GFRAL: variants seen among roughly 807,000 people sequenced by gnomAD.
GFRAL encodes the protein GDNF family receptor alpha-like.
In GFRAL, 36 loss-of-function variants were observed where a neutral mutation model predicts 45.4. The observed-to-expected ratio is 0.79, with a 90% CI of 0.61 to 1.05. The LOEUF is 1.05. GFRAL is among the 50% of genes least tolerant of loss of function. The pLI is 0.00. For synonymous variants in GFRAL, 166 were observed against 154.1 expected, an observed-to-expected ratio of 1.08 and a Z score of -0.57; for missense variants, 507 against 467.5, an observed-to-expected ratio of 1.08 and a Z score of -0.78.
At chr6:55,347,608 A>G (rs531589241) in intron 3 of GFRAL, among the ~76,000 whole-genome samples, 2 of 152,274 alleles carry the variant, frequency 1.3e-5, no homozygotes, top group African/African-American at 4.8e-5. Context: ...TTTTATAAGG[A>G]TGAATAATTA....
intron 6 of GFRAL, among the ~76,000 whole-genome samples, chr6:55,370,580 T>C: frequency 6.6e-6 from 1 of 152,218 alleles, no homozygotes; most frequent in South Asian, 2.1e-4. Flanking sequence ...ACATTTTTCT[T>C]GATACACACA....
chr6:55,362,885 C>G (rs9475264), intron 6 of GFRAL, among the ~76,000 whole-genome samples: 79,394 of 149,564 alleles, frequency 0.53, 21,021 homozygotes, highest in South Asian at 0.63. Context: ...AAGGAAGGGG[C>G]AGGAAGGGAG....
intron 6 of GFRAL, among the ~76,000 whole-genome samples, chr6:55,387,067 C>G (rs1197241512): frequency 6.6e-6 from 1 of 152,060 alleles, no homozygotes; most frequent in Admixed American, 6.6e-5. Flanking sequence ...TTGTATGAAT[C>G]ATCATTTGAC....
intron 7 of GFRAL, 25 bp downstream of exon 7, chr6:55,399,300 A>G: frequency 6.6e-7 from 1 of 1,514,652 alleles, no homozygotes; most frequent in Non-Finnish European, 9.1e-7. Flanking sequence ...AATCCTCTAT[A>G]ATATTTATAT....
intron 6 of GFRAL, among the ~76,000 whole-genome samples, chr6:55,372,198 G>C (rs1225747388): frequency 6.6e-6 from 1 of 152,126 alleles, no homozygotes; most frequent in African/African-American, 2.4e-5. Flanking sequence ...CTACTTTGTA[G>C]GCTTATCCAA....
chr6:55,400,344 G>A (rs80251251), intron 8 of GFRAL, among the ~76,000 whole-genome samples: 1 of 152,164 alleles, frequency 6.6e-6, no homozygotes, highest in East Asian at 1.9e-4. Context: ...AGGAACAGAA[G>A]TATTCACTGG....
intron 6 of GFRAL, among the ~76,000 whole-genome samples, chr6:55,371,822 ATC>A (rs1768454433): frequency 6.6e-6 from 1 of 152,136 alleles, no homozygotes. Context: ...ACATTCAAGA[ATC>A]TCTATTTGTA....
chr6:55,337,129 A>G (rs1382099649), intron 3 of GFRAL, among the ~76,000 whole-genome samples: 1 of 152,018 alleles, frequency 6.6e-6, no homozygotes, highest in Admixed American at 6.6e-5. Context: ...GTATATTTGT[A>G]TCCGTTAACC....
At chr6:55,342,908 C>T (rs1220169472) in intron 3 of GFRAL, among the ~76,000 whole-genome samples, 1 of 152,000 alleles carries the variant, frequency 6.6e-6, no homozygotes, top group Non-Finnish European at 1.5e-5. Context: ...TTTAAAACAA[C>T]AAAGATCAAA....
chr6:55,387,262 G>GTAT (rs1302411432), intron 6 of GFRAL, among the ~76,000 whole-genome samples: 1 of 152,168 alleles, frequency 6.6e-6, no homozygotes, highest in East Asian at 1.9e-4. Flanking sequence ...TGAAATCATA[G>GTAT]TATTATCTTT....
chr6:55,395,162 GAAAAA>G (rs869161118), intron 6 of GFRAL, among the ~76,000 whole-genome samples: 2 of 125,194 alleles, frequency 1.6e-5, no homozygotes, highest in African/African-American at 6.7e-5. Context: ...TCAGCCTATG[GAAAAA>G]AAAAAAAAAT....
At chr6:55,350,192 T>A (rs763328045) in intron 4 of GFRAL, 47 bp downstream of exon 4, 5 of 1,103,330 alleles carry the variant, frequency 4.5e-6, no homozygotes, top group East Asian at 2.4e-5. Context: ...AAATACCTGA[T>A]AATATAAAAT....
At chr6:55,388,457 A>T (rs111977894) in intron 6 of GFRAL, among the ~76,000 whole-genome samples, 5 of 152,198 alleles carry the variant, frequency 3.3e-5, no homozygotes, top group Non-Finnish European at 2.9e-5. Flanking sequence ...ACATGATTCA[A>T]TCCCTGAATC....
intron 6 of GFRAL, among the ~76,000 whole-genome samples, chr6:55,385,111 G>A (rs1768662188): frequency 6.6e-6 from 1 of 152,048 alleles, no homozygotes; most frequent in Admixed American, 6.6e-5. Flanking sequence ...TACAGAAATA[G>A]TGAATGACTA....
chr6:55,339,929 C>CACA (rs1473159218), intron 3 of GFRAL, among the ~76,000 whole-genome samples: 2 of 151,982 alleles, frequency 1.3e-5, no homozygotes, highest in African/African-American at 4.8e-5. Flanking sequence ...CTATTTTTTC[C>CACA]ACAATAGAAA....
intron 2 of GFRAL, among the ~76,000 whole-genome samples, chr6:55,332,265 T>A (rs1767840163): frequency 6.6e-6 from 1 of 152,202 alleles, no homozygotes; most frequent in Non-Finnish European, 1.5e-5. Flanking sequence ...ACAATGTATA[T>A]TCTTGAAACA....
chr6:55,382,888 C>T (rs1768629285), intron 6 of GFRAL, among the ~76,000 whole-genome samples: 1 of 151,870 alleles, frequency 6.6e-6, no homozygotes, highest in Non-Finnish European at 1.5e-5. Context: ...CATAGTAAAA[C>T]TCAGTAAATA....
intron 6 of GFRAL, among the ~76,000 whole-genome samples, chr6:55,368,245 G>A (rs910037048): frequency 3.3e-5 from 5 of 151,620 alleles, no homozygotes; most frequent in African/African-American, 1.2e-4. Flanking sequence ...AGCTCCTGAG[G>A]CTTCTGCATT....
At chr6:55,329,035 C>T (rs190394214) in intron 1 of GFRAL, among the ~76,000 whole-genome samples, 2 of 152,126 alleles carry the variant, frequency 1.3e-5, no homozygotes, top group Admixed American at 1.3e-4. Flanking sequence ...GCAGCATTAT[C>T]CATCTTATTA....
Sources: gnomAD v4.1 joint callset for allele counts (sites outside exome capture counted in the v4.1 genomes callset) on GRCh38, gnomAD v4.1.1 for gene constraint, MANE v1.5 for transcripts, NCBI Gene and HGNC (gene_info 2026-07-23, HGNC 2026-07-21) for gene names.